Variants in HSD17B12 observed in about 807,000 individuals in gnomAD.
The protein encoded by HSD17B12 is very-long-chain 3-oxoacyl-CoA reductase.
In HSD17B12, 32 loss-of-function variants were observed where a neutral mutation model predicts 39.3. That is an observed-to-expected ratio of 0.81 (90% CI 0.61 to 1.09). The LOEUF is 1.09. Among genes scored for constraint, HSD17B12 ranks in the 50% least tolerant of loss-of-function variants. The pLI is 0.00. For missense variants in HSD17B12, 342 were observed against 382.9 expected, an observed-to-expected ratio of 0.89 and a Z score of 0.89; for synonymous variants, 150 against 146.7, an observed-to-expected ratio of 1.02 and a Z score of -0.16.
At chr11:43,559,106 G>A in the HSD17B12 span, among the ~76,000 whole-genome samples, 2 of 152,150 alleles carry the variant, frequency 1.3e-5, no homozygotes, top group South Asian at 4.1e-4. Flanking sequence ...CCAAGAAGGG[G>A]GATGGAGAGT....
At chr11:43,846,046 G>A (rs767844605) in intron 9 of HSD17B12, among the ~76,000 whole-genome samples, 1 of 152,234 alleles carries the variant, frequency 6.6e-6, no homozygotes, top group African/African-American at 2.4e-5. Context: ...GGTCATCGGT[G>A]TGCCTTGAGG....
chr11:43,674,639 GTACATGTGTTTATTTTAAA>G, the HSD17B12 span, among the ~76,000 whole-genome samples: 1 of 152,144 alleles, frequency 6.6e-6, no homozygotes, highest in African/African-American at 2.4e-5. Context: ...CATTTCCAAA[GTACATGTGTTTATTTTAAA>G]TAGCCCTACA....
At chr11:43,802,383 A>G (rs1169081284) in intron 4 of HSD17B12, among the ~76,000 whole-genome samples, 2 of 152,122 alleles carry the variant, frequency 1.3e-5, no homozygotes, top group African/African-American at 4.8e-5. Context: ...ATTTAAAAAT[A>G]TTTTGCATAC....
At chr11:43,832,521 AG>A (rs1565105826) in intron 7 of HSD17B12, among the ~76,000 whole-genome samples, 2 of 152,192 alleles carry the variant, frequency 1.3e-5, no homozygotes, top group Non-Finnish European at 2.9e-5. Context: ...GAAAAAATAG[AG>A]GCCCAAAGAG....
intron 9 of HSD17B12, among the ~76,000 whole-genome samples, chr11:43,840,474 G>A (rs181086073): frequency 7.5e-4 from 114 of 152,020 alleles, no homozygotes; most frequent in African/African-American, 2.5e-3. Context: ...CATTGTCACC[G>A]TCCATCTCCA....
At chr11:43,852,566 A>G (rs991055658) in intron 9 of HSD17B12, 1 of 152,062 alleles carries the variant, frequency 6.6e-6, no homozygotes, top group Non-Finnish European at 1.5e-5. Context: ...GTATTTACAT[A>G]TACTCTTTCT....
intron 1 of HSD17B12, chr11:43,734,320 G>C: frequency 9.3e-7 from 1 of 1,079,448 alleles, no homozygotes; most frequent in South Asian, 1.2e-5. Context: ...AGGTGGCTCA[G>C]CAGGAAGCAG....
chr11:43,850,144 T>C (rs1443067543), intron 9 of HSD17B12, among the ~76,000 whole-genome samples: 1 of 152,198 alleles, frequency 6.6e-6, no homozygotes, highest in Non-Finnish European at 1.5e-5. Context: ...GAACAACTCC[T>C]TTTTCCTAAA....
intron 1 of HSD17B12, among the ~76,000 whole-genome samples, chr11:43,729,022 T>C (rs951026993): frequency 6.6e-6 from 1 of 152,152 alleles, no homozygotes; most frequent in Non-Finnish European, 1.5e-5. Context: ...TTACATATTA[T>C]AATGTATTTA....
chr11:43,639,237 T>C, the HSD17B12 span, among the ~76,000 whole-genome samples: 1 of 152,214 alleles, frequency 6.6e-6, no homozygotes, highest in Non-Finnish European at 1.5e-5. Context: ...TGTGGAGATA[T>C]TAGAGGCTCT....
At chr11:43,680,261 A>G (rs1321463605), upstream of HSD17B12, among the ~76,000 whole-genome samples, 4 of 151,876 alleles carry the variant, frequency 2.6e-5, no homozygotes, top group South Asian at 2.1e-4. Flanking sequence ...TTTAGTAGAG[A>G]CGGGGTTCGG....
intron 3 of HSD17B12, among the ~76,000 whole-genome samples, chr11:43,772,156 T>G (rs1950656512): frequency 6.6e-6 from 1 of 152,202 alleles, no homozygotes; most frequent in Admixed American, 6.5e-5. Context: ...TTAGCATGGT[T>G]CCAAGTGTTG....
At chr11:43,698,941 AT>A (rs1949937689) in intron 1 of HSD17B12, among the ~76,000 whole-genome samples, 2 of 152,208 alleles carry the variant, frequency 1.3e-5, no homozygotes, top group Non-Finnish European at 2.9e-5. Flanking sequence ...CCTAAAACAG[AT>A]TTTTTAAAGC....
At chr11:43,775,725 A>G (rs1167047888) in intron 3 of HSD17B12, among the ~76,000 whole-genome samples, 1 of 151,682 alleles carries the variant, frequency 6.6e-6, no homozygotes, top group Non-Finnish European at 1.5e-5. Context: ...GTCATCTAGC[A>G]TTAGGTATAT....
chr11:43,577,964 A>C, the HSD17B12 span, among the ~76,000 whole-genome samples: 1 of 152,214 alleles, frequency 6.6e-6, no homozygotes, highest in East Asian at 1.9e-4. Context: ...TCAGCTCCAG[A>C]CACTTTGGCC....
At chr11:43,734,011 A>G (rs1351129153) in intron 1 of HSD17B12, 2 of 734,072 alleles carry the variant, frequency 2.7e-6, no homozygotes, top group Admixed American at 1.9e-5. Flanking sequence ...AAAGATTTAT[A>G]GATTGTCAAT....
At chr11:43,742,130 TA>T (rs1565071531) in intron 1 of HSD17B12, among the ~76,000 whole-genome samples, 1,292 of 118,836 alleles carry the variant, frequency 0.011, 7 homozygotes, top group Non-Finnish European at 0.016. Flanking sequence ...TATATATATA[TA>T]TATATATATT....
At chr11:43,754,903 T>C (rs775289026) in intron 3 of HSD17B12, 14 of 761,162 alleles carry the variant, frequency 1.8e-5, no homozygotes, top group Admixed American at 1.4e-4. Context: ...AATTACAATA[T>C]GGCAAAGACT....
the HSD17B12 span, chr11:43,641,061 C>T: frequency 6.6e-6 from 1 of 151,270 alleles, no homozygotes; most frequent in Non-Finnish European, 1.5e-5. Context: ...TATTGTTTAT[C>T]CATGGGTTGA....
Sources: gnomAD v4.1 joint callset for allele counts (sites outside exome capture counted in the v4.1 genomes callset) on GRCh38, gnomAD v4.1.1 for gene constraint, MANE v1.5 for transcripts, NCBI Gene and HGNC (gene_info 2026-07-23, HGNC 2026-07-21) for gene names.